The following LCORL variants were observed in gnomAD, a reference collection of about 807,000 sequenced individuals.
LCORL encodes the protein ligand-dependent nuclear receptor corepressor-like protein.
LCORL carries 41 observed loss-of-function variants against 141.8 expected under a neutral mutation model. That is an observed-to-expected ratio of 0.29 (90% CI 0.23 to 0.38). The LOEUF is 0.38. Ranked by LOEUF, LCORL falls within the 10% of genes least tolerant of loss-of-function variation. The pLI is 1.00. For missense variants in LCORL, 1,759 were observed against 2,035.0 expected (o/e 0.86, Z 2.61); for synonymous variants, 618 against 694.1 (o/e 0.89, Z 1.72).
At chr4:17,905,096 T>A (rs1045085551) in intron 5 of LCORL, among the ~76,000 whole-genome samples, 1 of 152,152 alleles carries the variant, frequency 6.6e-6, no homozygotes, top group Non-Finnish European at 1.5e-5. Context: ...GTTGCAGCTA[T>A]TGCAAATGTA....
At chr4:17,958,118 C>T (rs1227453828) in intron 4 of LCORL, among the ~76,000 whole-genome samples, 1 of 151,584 alleles carries the variant, frequency 6.6e-6, no homozygotes, top group African/African-American at 2.4e-5. Context: ...CCAAAAGGCA[C>T]GGGAAAATAA....
chr4:17,959,986 T>C (rs1047558242), intron 4 of LCORL, among the ~76,000 whole-genome samples: 1 of 152,156 alleles, frequency 6.6e-6, no homozygotes, highest in Admixed American at 6.6e-5. Context: ...TTAAAAGATA[T>C]TGTTACTATC....
chr4:17,994,030 G>C (rs944070358), intron 1 of LCORL, among the ~76,000 whole-genome samples: 7 of 152,116 alleles, frequency 4.6e-5, no homozygotes, highest in African/African-American at 7.2e-5. Context: ...GCTTTGAGTG[G>C]TTGTTTCAAA....
At chr4:17,983,231 T>TTG (rs1560440030) in intron 1 of LCORL, among the ~76,000 whole-genome samples, 1 of 152,230 alleles carries the variant, frequency 6.6e-6, no homozygotes, top group Non-Finnish European at 1.5e-5. Flanking sequence ...TTGCTTAGGA[T>TTG]TGCCTTGGCT....
chr4:17,883,631 TAG>T (rs1727872544), intron 6 of LCORL: 5 of 1,430,560 alleles, frequency 3.5e-6, no homozygotes, highest in Non-Finnish European at 4.6e-6. Context: ...CGTGTGTATA[TAG>T]ACACACAAAT....
At chr4:17,914,508 A>G (rs181360793) in intron 4 of LCORL, among the ~76,000 whole-genome samples, 135 of 152,340 alleles carry the variant, frequency 8.9e-4, no homozygotes, top group African/African-American at 3.1e-3. Flanking sequence ...ATATTGTGGA[A>G]TAAGTCCATG....
chr4:17,867,235 C>T (rs908013483), intron 7 of LCORL, among the ~76,000 whole-genome samples: 1 of 151,750 alleles, frequency 6.6e-6, no homozygotes, highest in Non-Finnish European at 1.5e-5. Context: ...GATAGGATGA[C>T]CTTAATATAT....
exon 7 of LCORL, chr4:17,874,262 T>C: frequency 8.1e-7 from 1 of 1,233,958 alleles, no homozygotes; most frequent in South Asian, 4.1e-5. Flanking sequence ...AGTTAGCCAC[T>C]TTATGCAGTA....
intron 7 of LCORL, chr4:17,866,806 G>GA (rs1453427805): frequency 4.2e-5 from 7 of 166,966 alleles, no homozygotes; most frequent in Non-Finnish European, 8.6e-5. Flanking sequence ...AAAACGAGAA[G>GA]AAAAAATGGT....
intron 5 of LCORL, among the ~76,000 whole-genome samples, chr4:17,888,233 T>C (rs1169634037): frequency 6.6e-6 from 1 of 152,134 alleles, no homozygotes; most frequent in Non-Finnish European, 1.5e-5. Context: ...TCAGTGTGGC[T>C]AGAGGTTAGA....
intron 4 of LCORL, among the ~76,000 whole-genome samples, chr4:17,937,022 A>G (rs181587713): frequency 2.8e-3 from 419 of 152,292 alleles, no homozygotes; most frequent in Non-Finnish European, 4.5e-3. Flanking sequence ...TAATCTATGT[A>G]ATTTACATAT....
intron 2 of LCORL, among the ~76,000 whole-genome samples, chr4:17,964,575 T>C (rs1172461994): frequency 1.3e-5 from 2 of 152,108 alleles, no homozygotes; most frequent in African/African-American, 4.8e-5. Context: ...GTTTCAACAT[T>C]CTATATAATT....
chr4:17,998,618 T>G (rs1389026028), intron 1 of LCORL, among the ~76,000 whole-genome samples: 7 of 152,080 alleles, frequency 4.6e-5, no homozygotes, highest in Non-Finnish European at 1.0e-4. Flanking sequence ...TAACAATGCC[T>G]TCTTCTGGAA....
intron 7 of LCORL, among the ~76,000 whole-genome samples, chr4:17,869,395 C>G (rs1038493937): frequency 3.3e-5 from 5 of 151,976 alleles, no homozygotes; most frequent in Non-Finnish European, 5.9e-5. Flanking sequence ...TCCACCAAAG[C>G]TACTCTTTCC....
At chr4:17,858,792 A>G (rs774608634) in intron 7 of LCORL, among the ~76,000 whole-genome samples, 10 of 151,972 alleles carry the variant, frequency 6.6e-5, no homozygotes, top group Non-Finnish European at 1.5e-4. Context: ...AAAAATATAA[A>G]CTGACATATT....
intron 4 of LCORL, among the ~76,000 whole-genome samples, chr4:17,954,753 T>C (rs879320142): frequency 4.6e-5 from 7 of 152,156 alleles, no homozygotes; most frequent in Non-Finnish European, 8.8e-5. Context: ...GCATGTGGGC[T>C]GTAAAAGATA....
At chr4:17,929,561 T>C (rs926468757) in intron 4 of LCORL, among the ~76,000 whole-genome samples, 5 of 152,314 alleles carry the variant, frequency 3.3e-5, no homozygotes, top group Non-Finnish European at 2.9e-5. Flanking sequence ...ACTGGATATT[T>C]CAATGCAAAA....
chr4:18,004,813 A>G (rs937265535), intron 1 of LCORL, among the ~76,000 whole-genome samples: 8 of 152,340 alleles, frequency 5.3e-5, no homozygotes, highest in Middle Eastern at 3.4e-3. Context: ...GTTAGCAGAT[A>G]CAATGGGGGT....
At chr4:17,912,573 A>C (rs1732738946) in intron 4 of LCORL, 1 of 436,570 alleles carries the variant, frequency 2.3e-6, no homozygotes, top group African/African-American at 2.0e-5. Flanking sequence ...GGAGCTGCTG[A>C]GATGGTGCTC....
Sources: allele counts gnomAD v4.1 joint callset (sites outside exome capture counted in the v4.1 genomes callset), GRCh38; gene constraint gnomAD v4.1.1; transcripts MANE v1.5; gene names NCBI Gene and HGNC (gene_info 2026-07-23, HGNC 2026-07-21).